The following ASIC2 variants were observed in gnomAD, a reference collection of about 807,000 sequenced individuals.
ASIC2 encodes the protein acid-sensing ion channel 2.
ASIC2 carries 25 observed loss-of-function variants against 57.3 expected under a neutral mutation model. That is an observed-to-expected ratio of 0.44 (90% CI 0.32 to 0.61). ASIC2 has a LOEUF of 0.61. Ranked by LOEUF, ASIC2 falls within the 20% of genes least tolerant of loss-of-function variation. The pLI, the probability that ASIC2 is intolerant of heterozygous loss-of-function variation, is 0.06. For missense variants in ASIC2, 641 were observed against 738.1 expected, an observed-to-expected ratio of 0.87 and a Z score of 1.52; for synonymous variants, 319 against 307.5, an observed-to-expected ratio of 1.04 and a Z score of -0.39.
chr17:33,845,844 C>G (rs1039784094), intron 1 of ASIC2, among the ~76,000 whole-genome samples: 1 of 152,250 alleles, frequency 6.6e-6, no homozygotes, highest in African/African-American at 2.4e-5. Context: ...GAAAAAAAAG[C>G]TTGTAAGGAT....
chr17:33,508,878 G>T (rs1207220685), intron 1 of ASIC2, among the ~76,000 whole-genome samples: 1 of 152,178 alleles, frequency 6.6e-6, no homozygotes, highest in Non-Finnish European at 1.5e-5. Context: ...CCATGGAAGG[G>T]TGACCTCTTA....
At chr17:33,771,490 G>A (rs998772503) in intron 1 of ASIC2, among the ~76,000 whole-genome samples, 27 of 151,668 alleles carry the variant, frequency 1.8e-4, no homozygotes, top group African/African-American at 6.3e-4. Context: ...TGTTTTTTAA[G>A]CCTGTGCCTG....
At chr17:33,379,055 T>G (rs148357151) in intron 1 of ASIC2, among the ~76,000 whole-genome samples, 1,554 of 152,324 alleles carry the variant, frequency 0.01, 28 homozygotes, top group African/African-American at 0.036. Context: ...TATTAGCATT[T>G]AAGGGTTATT....
At chr17:33,400,889 G>A (rs1910261658) in intron 1 of ASIC2, among the ~76,000 whole-genome samples, 1 of 152,150 alleles carries the variant, frequency 6.6e-6, no homozygotes, top group Non-Finnish European at 1.5e-5. Context: ...AGGTTGAGTT[G>A]TGATGGTTTG....
chr17:33,493,090 C>T (rs745704808), intron 1 of ASIC2, among the ~76,000 whole-genome samples: 1 of 152,344 alleles, frequency 6.6e-6, no homozygotes, highest in Non-Finnish European at 1.5e-5. Context: ...TAAACAAACA[C>T]TTGAAGCATA....
intron 1 of ASIC2, among the ~76,000 whole-genome samples, chr17:33,683,904 G>A (rs890883555): frequency 6.6e-6 from 1 of 152,148 alleles, no homozygotes; most frequent in African/African-American, 2.4e-5. Flanking sequence ...AATTACATCT[G>A]TAACAACCCT....
At chr17:33,434,732 T>C (rs1183632314) in intron 1 of ASIC2, among the ~76,000 whole-genome samples, 1 of 152,150 alleles carries the variant, frequency 6.6e-6, no homozygotes, top group Non-Finnish European at 1.5e-5. Context: ...AAAGAGCCAT[T>C]GATAGTAAAG....
At chr17:33,921,515 G>A (rs1915708131) in intron 1 of ASIC2, among the ~76,000 whole-genome samples, 1 of 152,122 alleles carries the variant, frequency 6.6e-6, no homozygotes, top group South Asian at 2.1e-4. Flanking sequence ...GGCAAGGGGA[G>A]CTGGGACATG....
chr17:33,382,872 C>A (rs1472849441), intron 1 of ASIC2, among the ~76,000 whole-genome samples: 1 of 152,018 alleles, frequency 6.6e-6, no homozygotes. Context: ...TTCTACTTAC[C>A]CCATACTCCC....
chr17:33,028,964 C>A (rs1440354472), intron 3 of ASIC2, among the ~76,000 whole-genome samples: 3 of 152,166 alleles, frequency 2.0e-5, no homozygotes, highest in Non-Finnish European at 4.4e-5. Context: ...GTAGATGGCA[C>A]CTTTTCCCTT....
At chr17:33,556,249 A>G (rs1463199410) in intron 1 of ASIC2, among the ~76,000 whole-genome samples, 7 of 152,224 alleles carry the variant, frequency 4.6e-5, no homozygotes, top group Non-Finnish European at 1.0e-4. Flanking sequence ...TGGGGAGAAG[A>G]GACAATCTTA....
intron 1 of ASIC2, among the ~76,000 whole-genome samples, chr17:33,896,639 G>T (rs192362643): frequency 6.6e-6 from 1 of 152,334 alleles, no homozygotes; most frequent in Admixed American, 6.5e-5. Context: ...GTAAGTTCTG[G>T]CAGTCACCCC....
chr17:33,407,635 T>C (rs546331451), intron 1 of ASIC2, among the ~76,000 whole-genome samples: 2 of 152,298 alleles, frequency 1.3e-5, no homozygotes, highest in East Asian at 1.9e-4. Flanking sequence ...AAAAATTTAA[T>C]AAAATAAAGT....
At chr17:33,020,218 A>C (rs953157984) in intron 7 of ASIC2, among the ~76,000 whole-genome samples, 2 of 152,158 alleles carry the variant, frequency 1.3e-5, no homozygotes, top group African/African-American at 4.8e-5. Flanking sequence ...AGGTGCCAGA[A>C]ACTACTATTT....
chr17:33,246,724 T>C lies in ASIC2; in HGVS notation c.708+44684A>G, dbSNP rs368897005. ...TACTGTTTACAAAGCACTTTTGACATACGTTATCCCATTTGATTCCTATAG... is the reference window on the plus strand; with the variant it reads ...TACTGTTTACAAAGCACTTTTGACACACGTTATCCCATTTGATTCCTATAG... On this transcript the variant is annotated intron_variant, in intron 1 of 9. Transcript: ENST00000225823. Among the ~76,000 whole-genome samples, 40 of 152,326 alleles carry C rather than the reference T, an allele frequency of 2.6e-4. No individual in the cohort carries two copies. In the South Asian group the frequency reaches 5.6e-3, roughly 21 times the overall value.
chr17:33,416,243 T>C (rs1247986804), intron 1 of ASIC2, among the ~76,000 whole-genome samples: 3 of 152,246 alleles, frequency 2.0e-5, no homozygotes, highest in Non-Finnish European at 4.4e-5. Flanking sequence ...TAAAACCACA[T>C]GGATTTGGAA....
chr17:33,267,798 T>C (rs1020379787), intron 1 of ASIC2, among the ~76,000 whole-genome samples: 1 of 151,370 alleles, frequency 6.6e-6, no homozygotes, highest in African/African-American at 2.4e-5. Flanking sequence ...GAGTGTGGGG[T>C]GAGTAGCACA....
intron 1 of ASIC2, among the ~76,000 whole-genome samples, chr17:34,034,597 G>T (rs995726901): frequency 2.0e-5 from 3 of 152,138 alleles, no homozygotes; most frequent in Non-Finnish European, 2.9e-5. Context: ...TGACATGATT[G>T]TATATCTAGA....
chr17:33,297,777 A>G (rs115885483), upstream of ASIC2, among the ~76,000 whole-genome samples: 650 of 152,016 alleles, frequency 4.3e-3, 3 homozygotes, highest in African/African-American at 0.015. Context: ...AACTGTGATC[A>G]TGCCACTGTA....
Sources: allele counts gnomAD v4.1 joint callset (sites outside exome capture counted in the v4.1 genomes callset), GRCh38; gene constraint gnomAD v4.1.1; transcripts MANE v1.5; gene names NCBI Gene and HGNC (gene_info 2026-07-23, HGNC 2026-07-21).